The following WDR27 variants were observed in gnomAD, a reference collection of about 807,000 sequenced individuals.
The protein encoded by WDR27 is WD repeat-containing protein 27.
In WDR27, 100 loss-of-function variants were observed where a neutral mutation model predicts 114.4. The observed-to-expected ratio is 0.87, with a 90% CI of 0.74 to 1.03. The LOEUF (loss-of-function observed/expected upper bound fraction) is 1.03, where lower values mean the gene tolerates loss of function less well. Ranked by LOEUF, WDR27 falls within the 50% of genes least tolerant of loss-of-function variation. The pLI, the probability that WDR27 is intolerant of heterozygous loss-of-function variation, is 0.00. For synonymous variants in WDR27, 449 were observed against 423.1 expected (o/e 1.06, Z -0.75); for missense variants, 1,129 against 1,092.9 (o/e 1.03, Z -0.47).
intron 22 of WDR27, among the ~76,000 whole-genome samples, chr6:169,605,556 A>G (rs2128175079): frequency 6.6e-6 from 1 of 151,588 alleles, no homozygotes; most frequent in South Asian, 2.1e-4. Context: ...CATAGGTACA[A>G]TGCAATGCCT....
chr6:169,433,905 G>C, the WDR27 span, among the ~76,000 whole-genome samples: 12 of 152,316 alleles, frequency 7.9e-5, no homozygotes, highest in Middle Eastern at 3.4e-3. Flanking sequence ...AGAAGTGTCT[G>C]TTCATATCCT....
At chr6:169,441,782 T>G in the WDR27 span, among the ~76,000 whole-genome samples, 7 of 152,214 alleles carry the variant, frequency 4.6e-5, no homozygotes, top group Non-Finnish European at 7.3e-5. Context: ...TCTTTCTTCT[T>G]TGGACATACT....
intron 24 of WDR27, among the ~76,000 whole-genome samples, chr6:169,574,678 C>A (rs1246489999): frequency 6.6e-6 from 1 of 152,148 alleles, no homozygotes; most frequent in South Asian, 2.1e-4. Flanking sequence ...GCTTCCAGGA[C>A]TCGGTGAGTG....
chr6:169,486,153 G>GT (rs566399786), intron 25 of WDR27, among the ~76,000 whole-genome samples: 1,613 of 144,396 alleles, frequency 0.011, 13 homozygotes, highest in African/African-American at 0.018. Context: ...ACTTAAAAAG[G>GT]TTTTTTTTTT....
intron 2 of WDR27, among the ~76,000 whole-genome samples, chr6:169,685,614 C>T (rs545290800): frequency 5.3e-5 from 8 of 152,098 alleles, no homozygotes; most frequent in South Asian, 2.1e-4. Context: ...GGCTTCATCA[C>T]GCTGAAGAAA....
Position 169,457,322 on chromosome 6 carries a change from T to C in WDR27, c.*270A>G. ...TGTTTTATTGAAAGATATTTTGTTTTAACTTTACCAAATTCTGTGCAGAAG... is the reference window on the plus strand; with the variant it reads ...TGTTTTATTGAAAGATATTTTGTTTCAACTTTACCAAATTCTGTGCAGAAG... On this transcript the variant is annotated 3_prime_UTR_variant, in exon 26 of 26. Coordinates refer to ENST00000448612, the MANE Select transcript of WDR27 (RefSeq NM_182552.5). 2 of 344,910 alleles carry C rather than the reference T, an allele frequency of 5.8e-6. No individual in the cohort carries two copies. The highest frequency in any genetic ancestry group is 8.3e-5 in the South Asian group (1 of 12,110). The allele number at this position is 344,910 out of a possible 1,614,324, so 21.4% of individuals were successfully genotyped here. A position where few individuals can be genotyped will look rare whatever the true frequency, so the allele number is the denominator to read the frequency against.
chr6:169,467,195 C>A (rs1313925253), intron 25 of WDR27, among the ~76,000 whole-genome samples: 3 of 152,204 alleles, frequency 2.0e-5, no homozygotes, highest in African/African-American at 7.2e-5. Flanking sequence ...AGCCTCCCAC[C>A]CAGCTGTTTT....
At chr6:169,594,155 A>G (rs2128159068) in intron 23 of WDR27, among the ~76,000 whole-genome samples, 1 of 152,332 alleles carries the variant, frequency 6.6e-6, no homozygotes, top group African/African-American at 2.4e-5. Context: ...TATTTTCAAG[A>G]AATTCTACAA....
chr6:169,653,247 G>A (rs1823091410), intron 13 of WDR27, among the ~76,000 whole-genome samples: 1 of 152,080 alleles, frequency 6.6e-6, no homozygotes, highest in South Asian at 2.1e-4. Context: ...AATTAATATT[G>A]GTTAGTCAAG....
At chr6:169,682,469 A>G (rs1781790506) in intron 2 of WDR27, among the ~76,000 whole-genome samples, 1 of 152,188 alleles carries the variant, frequency 6.6e-6, no homozygotes, top group Non-Finnish European at 1.5e-5. Flanking sequence ...TCAACCTCAG[A>G]GTTCTTGCAA....
intron 25 of WDR27, among the ~76,000 whole-genome samples, chr6:169,568,347 G>T (rs550597501): frequency 6.6e-6 from 1 of 152,214 alleles, no homozygotes; most frequent in African/African-American, 2.4e-5. Context: ...TAACATACTT[G>T]CTCCACATCT....
At chr6:169,590,044 T>C (rs941929871) in intron 23 of WDR27, among the ~76,000 whole-genome samples, 5 of 151,074 alleles carry the variant, frequency 3.3e-5, no homozygotes, top group Non-Finnish European at 5.9e-5. Flanking sequence ...TGCTCAAAAA[T>C]GTTTTTACAA....
At chr6:169,489,473 G>A (rs924506348) in intron 25 of WDR27, among the ~76,000 whole-genome samples, 7 of 152,310 alleles carry the variant, frequency 4.6e-5, no homozygotes, top group East Asian at 1.9e-4. Context: ...TTCGGAGAAC[G>A]AAGGTCACAC....
At chr6:169,577,678 G>A (rs903645866) in intron 24 of WDR27, among the ~76,000 whole-genome samples, 42 of 152,216 alleles carry the variant, frequency 2.8e-4, no homozygotes, top group African/African-American at 9.4e-4. Context: ...CTGCAGTCGG[G>A]AAACCGGCCT....
the WDR27 span, among the ~76,000 whole-genome samples, chr6:169,440,987 C>G: frequency 6.7e-6 from 1 of 148,952 alleles, no homozygotes; most frequent in Non-Finnish European, 1.5e-5. Context: ...GTTTTTTTTT[C>G]TTGTATTTTG....
chr6:169,602,741 A>G (rs2128171372), intron 22 of WDR27, among the ~76,000 whole-genome samples: 1 of 152,268 alleles, frequency 6.6e-6, no homozygotes, highest in East Asian at 1.9e-4. Context: ...GTGCCATATA[A>G]AATTTGTTTA....
At chr6:169,658,996 A>G in intron 12 of WDR27, 90 bp downstream of exon 12, 1 of 1,451,432 alleles carries the variant, frequency 6.9e-7, no homozygotes. Context: ...CAGAGCTCAG[A>G]GTTTTCTAAT....
At chr6:169,573,645 T>C (rs1225639196) in intron 24 of WDR27, among the ~76,000 whole-genome samples, 3 of 152,238 alleles carry the variant, frequency 2.0e-5, no homozygotes, top group Non-Finnish European at 2.9e-5. Context: ...GCGATAGTAA[T>C]ATAAAATCAA....
chr6:169,601,674 AAGTTTGTGGT>A (rs1264368442), intron 23 of WDR27, among the ~76,000 whole-genome samples: 5 of 152,210 alleles, frequency 3.3e-5, no homozygotes, highest in African/African-American at 9.6e-5. Context: ...TTAAGCCTCC[AAGTTTGTGGT>A]AGTTTGTGGC....
Sources: allele counts gnomAD v4.1 joint callset (sites outside exome capture counted in the v4.1 genomes callset), GRCh38; gene constraint gnomAD v4.1.1; transcripts MANE v1.5; gene names NCBI Gene and HGNC (gene_info 2026-07-23, HGNC 2026-07-21).